The following PRKN variants were observed in gnomAD, a reference collection of about 807,000 sequenced individuals.
PRKN encodes parkin RBR E3 ubiquitin protein ligase.
In PRKN, 56 loss-of-function variants were observed where a neutral mutation model predicts 59.5. The ratio of observed to expected loss-of-function variants is 0.94; its 90% CI spans 0.76 to 1.18. PRKN has a LOEUF of 1.18. Among genes scored for constraint, PRKN ranks in the 50% most tolerant of loss-of-function variants. The pLI is 0.00. For missense variants in PRKN, 657 were observed against 596.4 expected, an observed-to-expected ratio of 1.10 and a Z score of -1.06; for synonymous variants, 250 against 222.1, an observed-to-expected ratio of 1.13 and a Z score of -1.12.
intron 2 of PRKN, among the ~76,000 whole-genome samples, chr6:162,302,897 T>C (rs1782023283): frequency 6.6e-6 from 1 of 151,692 alleles, no homozygotes; most frequent in Non-Finnish European, 1.5e-5. Flanking sequence ...GGTGCCCTTT[T>C]ACCAACCTCA....
At position 162,389,874 on chromosome 6, in the gene PRKN, C is replaced by T. The variant is rs145129072; in HGVS notation, c.171+53436G>A. 5.9e-3 allele frequency among the ~76,000 whole-genome samples: 906 copies of T among 152,302 alleles called. 10 individuals are homozygous for T. Among genetic ancestry groups the T allele is most frequent in the African/African-American group, 0.021 (860 of 41,576 alleles). The stretch of plus-strand genomic sequence containing the variant: ...CATACTCTTTGCACTAGGGTAACAA[C>T]CCCATGGCTGGCTTTATTGCAGAGT... On this transcript the variant is annotated intron_variant, in intron 2 of 11. Coordinates refer to ENST00000366898, the MANE Select transcript of PRKN (RefSeq NM_004562.3).
chr6:161,550,220 AG>A lies in PRKN; in HGVS notation c.934-1218del, dbSNP rs1779950654. Among the ~76,000 whole-genome samples, 1 of 152,128 alleles carries A rather than the reference AG, an allele frequency of 6.6e-6. No individual in the cohort carries two copies. Among genetic ancestry groups the A allele is most frequent in the South Asian group, 2.1e-4 (1 of 4,824 alleles). ...TGGGGCGGAGGCAGAGAGAACAAGG[AG>A]GGAAAAAAACAGAAGGTGAAGTTGG... On this transcript the variant is annotated intron_variant, in intron 8 of 11. Coordinates refer to ENST00000366898, the MANE Select transcript of PRKN (RefSeq NM_004562.3). The surrounding 1 kb of genome is among the most constrained non-coding windows in gnomAD (Gnocchi z 4.0).
intron 7 of PRKN, among the ~76,000 whole-genome samples, chr6:161,643,240 T>G (rs1365913809): frequency 1.3e-5 from 2 of 152,218 alleles, no homozygotes; most frequent in Non-Finnish European, 2.9e-5. Flanking sequence ...AAATCCATAT[T>G]AAGCACAACT....
At position 161,391,406 on chromosome 6, in the gene PRKN, C is replaced by G. The variant is rs1032058085; in HGVS notation, c.1084-4529G>C. On this transcript the variant is annotated intron_variant, in intron 9 of 11. Transcript: ENST00000366898. The surrounding 1 kb of genome is among the most constrained non-coding windows in gnomAD (Gnocchi z 4.9). ...AGGATTGTCTTCTCTTGTGGTGGAT[C>G]TAACAAATGTGATCCATTTCCGTAG... Among the ~76,000 whole-genome samples the G allele has an allele frequency of 6.6e-6, 1 of 151,494 alleles. No homozygotes were observed. The highest frequency in any genetic ancestry group is 1.5e-5 in the Non-Finnish European group (1 of 67,922).
At chr6:161,940,745 T>A (rs1018768243) in intron 6 of PRKN, among the ~76,000 whole-genome samples, 1 of 152,154 alleles carries the variant, frequency 6.6e-6, no homozygotes, top group East Asian at 1.9e-4. Context: ...AATCAGAATG[T>A]CTATGTGGCA....
At chr6:161,990,141 T>G (rs1212911086) in intron 5 of PRKN, among the ~76,000 whole-genome samples, 1 of 152,048 alleles carries the variant, frequency 6.6e-6, no homozygotes, top group African/African-American at 2.4e-5. Flanking sequence ...GGCCCAAAGT[T>G]TGGCATACCC....
intron 4 of PRKN, among the ~76,000 whole-genome samples, chr6:162,177,982 C>G (rs1327766456): frequency 9.9e-5 from 15 of 152,130 alleles, no homozygotes; most frequent in Admixed American, 9.8e-4. Flanking sequence ...CTACCAAGCT[C>G]TGAAACACCA....
chr6:162,680,429 C>A (rs1779729760), intron 1 of PRKN, among the ~76,000 whole-genome samples: 1 of 151,532 alleles, frequency 6.6e-6, no homozygotes, highest in African/African-American at 2.4e-5. Flanking sequence ...GTCATGAGAT[C>A]AAGATTATTG....
chr6:161,535,271 C>G (rs1779370223), intron 9 of PRKN, among the ~76,000 whole-genome samples: 1 of 152,078 alleles, frequency 6.6e-6, no homozygotes, highest in South Asian at 2.1e-4. Flanking sequence ...AGTTAGAGGT[C>G]TAATTTCTCA....
intron 5 of PRKN, among the ~76,000 whole-genome samples, chr6:161,989,310 T>C (rs968003487): frequency 6.6e-6 from 1 of 152,154 alleles, no homozygotes; most frequent in Non-Finnish European, 1.5e-5. Context: ...CAAACAGCCT[T>C]ACCCGTTACA....
intron 6 of PRKN, among the ~76,000 whole-genome samples, chr6:161,851,309 T>A (rs1030312171): frequency 6.6e-6 from 1 of 152,154 alleles, no homozygotes; most frequent in Admixed American, 6.6e-5. Context: ...GCAGGCCCCA[T>A]GATCTTGGAC....
chr6:162,273,458 A>G (rs542266318), intron 2 of PRKN, among the ~76,000 whole-genome samples: 2 of 152,354 alleles, frequency 1.3e-5, no homozygotes, highest in East Asian at 3.9e-4. Flanking sequence ...TTTTGGACAC[A>G]GTGCTCTGTA....
chr6:161,539,463 T>C (rs940379105), intron 9 of PRKN, among the ~76,000 whole-genome samples: 1 of 149,970 alleles, frequency 6.7e-6, no homozygotes, highest in Non-Finnish European at 1.5e-5. Flanking sequence ...TTGGTTTCTG[T>C]GCCCTCGGTC....
At chr6:162,140,876 C>G (rs897054204) in intron 4 of PRKN, among the ~76,000 whole-genome samples, 1 of 152,178 alleles carries the variant, frequency 6.6e-6, no homozygotes, top group African/African-American at 2.4e-5. Context: ...CGCCTGTAAT[C>G]CCAGCTCTTT....
At chr6:162,086,231 T>G (rs954536487) in intron 4 of PRKN, among the ~76,000 whole-genome samples, 3 of 152,220 alleles carry the variant, frequency 2.0e-5, no homozygotes, top group African/African-American at 7.2e-5. Flanking sequence ...ATCTTAAATT[T>G]TTAATGAATT....
Position 161,582,888 on chromosome 6 carries a change from C to T in PRKN, c.872-13472G>A, listed in dbSNP as rs1781392064. 6.6e-6 allele frequency among the ~76,000 whole-genome samples: 1 copy of T among 151,528 alleles called. No homozygotes were observed. Among genetic ancestry groups the T allele is most frequent in the Admixed American group, 6.6e-5 (1 of 15,150 alleles). On this transcript the variant is annotated intron_variant, in intron 7 of 11. Coordinates refer to ENST00000366898, the MANE Select transcript of PRKN (RefSeq NM_004562.3). The surrounding 1 kb of genome is among the most constrained non-coding windows in gnomAD (Gnocchi z 4.4). ...CCATGTAGCTGATCCCAGCATAGGC[C>T]TGACATAGGAAAAAGACTATGGGAG... is the stretch of plus-strand genomic sequence containing the variant.
intron 2 of PRKN, among the ~76,000 whole-genome samples, chr6:162,373,167 T>G (rs1176720049): frequency 1.3e-5 from 2 of 152,194 alleles, no homozygotes; most frequent in East Asian, 3.8e-4. Flanking sequence ...GTTTAAATGG[T>G]TAACGATGTG....
At position 161,397,354 on chromosome 6, in the gene PRKN, G is replaced by A. The variant is rs1786810507; in HGVS notation, c.1084-10477C>T. ...AATGCACAATCATGGGTTGAATTGA[G>A]TATTCTTGTGTAAGTCTTAAGGGTC... On this transcript the variant is annotated intron_variant, in intron 9 of 11. Coordinates refer to ENST00000366898, the MANE Select transcript of PRKN (RefSeq NM_004562.3). This position sits in a 1 kb window ranked among gnomAD's most constrained non-coding sequence, Gnocchi z 4.2. Among the ~76,000 whole-genome samples the A allele has an allele frequency of 6.6e-6, 1 of 152,206 alleles. No homozygotes were observed. Among genetic ancestry groups the A allele is most frequent in the Non-Finnish European group, 1.5e-5 (1 of 68,042 alleles).
At position 161,549,915 on chromosome 6, in the gene PRKN, T is replaced by C. The variant is rs955296911; in HGVS notation, c.934-912A>G. On this transcript the variant is annotated intron_variant, in intron 8 of 11. Transcript: ENST00000366898. This position sits in a 1 kb window ranked among gnomAD's most constrained non-coding sequence, Gnocchi z 6.0. The stretch of plus-strand genomic sequence containing the variant: ...ACTGTAACAGTCAATACCGAGAGGT[T>C]AGAATGTCTAGGATTTCCAATGGTG... Among the ~76,000 whole-genome samples the C allele has an allele frequency of 1.3e-5, 2 of 152,088 alleles. No individual in the cohort carries two copies. The highest frequency in any genetic ancestry group is 2.9e-5 in the Non-Finnish European group (2 of 68,016).
Sources: allele counts gnomAD v4.1 joint callset (sites outside exome capture counted in the v4.1 genomes callset), GRCh38; gene constraint gnomAD v4.1.1; non-coding constraint Gnocchi (gnomAD v3.1); transcripts MANE v1.5; gene names NCBI Gene and HGNC (gene_info 2026-07-23, HGNC 2026-07-21).